The following NR1I2 variants were observed in gnomAD, a reference collection of about 807,000 sequenced individuals.
NR1I2 encodes the protein orphan nuclear receptor PAR1.
NR1I2 carries 42 observed loss-of-function variants against 43.3 expected under a neutral mutation model. The observed-to-expected ratio is 0.97, with a 90% CI of 0.76 to 1.26. NR1I2 has a LOEUF of 1.26. Among genes scored for constraint, NR1I2 ranks in the 50% most tolerant of loss-of-function variants. NR1I2 has a pLI of 0.00. For synonymous variants in NR1I2, 229 were observed against 215.0 expected (o/e 1.06, Z -0.57); for missense variants, 559 against 566.7 (o/e 0.99, Z 0.14).
chr3:119,801,887 C>T (rs1430566214), intron 1 of NR1I2, among the ~76,000 whole-genome samples: 1 of 152,138 alleles, frequency 6.6e-6, no homozygotes, highest in Non-Finnish European at 1.5e-5. Flanking sequence ...CGATCTCAGG[C>T]CTCTCCCTCT....
chr3:119,810,536 A>C, intron 3 of NR1I2: 1 of 315,352 alleles, frequency 3.2e-6, no homozygotes, highest in Non-Finnish European at 6.0e-6. Context: ...TGCGGGTAGG[A>C]GTGTGAATCT....
At chr3:119,791,356 T>C (rs1363985262) in intron 1 of NR1I2, among the ~76,000 whole-genome samples, 1 of 152,168 alleles carries the variant, frequency 6.6e-6, no homozygotes, top group African/African-American at 2.4e-5. Context: ...GATTAACATC[T>C]ATGAGAGTCT....
chr3:119,814,989 A>T lies in NR1I2; in HGVS notation c.805A>T (p.Ile269Phe), dbSNP rs777320630. Reference sequence around the variant, plus strand: ...CATCCTTGCTGCCAGGGACTTGCCCATCGAGGACCAGATCTCCCTGCTGAA... The same window carrying T: ...CATCCTTGCTGCCAGGGACTTGCCCTTCGAGGACCAGATCTCCCTGCTGAA... The change falls in exon 6 of 9, where the codon ATC becomes TTC. Residue 269 changes from isoleucine (I) to phenylalanine (F), a missense_variant. Physicochemically the swap from Ile to Phe is conservative, Grantham distance 21. This residue lies in a region of NR1I2 where 323 missense variants were observed against 312.2 expected (regional missense o/e 1.03). Coordinates refer to ENST00000393716, the MANE Select transcript of NR1I2 (RefSeq NM_003889.4). 3 of 1,614,134 alleles carry T rather than the reference A, an allele frequency of 1.9e-6. No individual in the cohort carries two copies. Among genetic ancestry groups the T allele is most frequent in the Non-Finnish European group, 2.5e-6 (3 of 1,180,030 alleles).
Position 119,817,593 on chromosome 3 carries a change from G to T in NR1I2, c.*381G>T. The T allele has an allele frequency of 1.7e-6, 2 of 1,163,006 alleles. No homozygotes were observed. Among genetic ancestry groups the T allele is most frequent in the South Asian group, 1.9e-5 (1 of 52,866 alleles). 72.0% of individuals were successfully genotyped at this position (1,163,006 alleles called of 1,614,324 possible). ...AAGCGACCAAGGATGGGCCATCTGG[G>T]GTCTATGCCCACATACCCACGTTTG... On this transcript the variant is annotated 3_prime_UTR_variant, in exon 9 of 9. Transcript: ENST00000393716.
At chr3:119,792,436 C>A in intron 1 of NR1I2, 1 of 1,171,256 alleles carries the variant, frequency 8.5e-7, no homozygotes, top group Non-Finnish European at 1.3e-6. Context: ...CAGGGGACGG[C>A]CTGATGGAGC....
intron 1 of NR1I2, chr3:119,791,824 G>C (rs114945212): frequency 2.3e-5 from 12 of 520,186 alleles, no homozygotes; most frequent in African/African-American, 2.1e-4. Flanking sequence ...AGAAAACATA[G>C]CTGCCAAGTG....
chr3:119,782,481 A>G (rs2054786788), intron 1 of NR1I2, among the ~76,000 whole-genome samples, 181 bp downstream of exon 1: 1 of 152,110 alleles, frequency 6.6e-6, no homozygotes, highest in South Asian at 2.1e-4. Context: ...GCATGAAAAC[A>G]ATCACTTAAT....
chr3:119,815,896 G>C, intron 8 of NR1I2, 65 bp downstream of exon 8: 1 of 1,354,652 alleles, frequency 7.4e-7, no homozygotes, highest in East Asian at 2.5e-5. Flanking sequence ...CAGGGAAATT[G>C]CCCAAGACTT....
At chr3:119,783,669 T>G (rs2054807807) in intron 1 of NR1I2, among the ~76,000 whole-genome samples, 7 of 152,222 alleles carry the variant, frequency 4.6e-5, no homozygotes. Flanking sequence ...TCATGCTCCT[T>G]GAAAATGAGA....
intron 2 of NR1I2, 67 bp from the exon 3 acceptor site, chr3:119,809,994 C>T (rs1004455608): frequency 2.3e-5 from 37 of 1,603,820 alleles, no homozygotes; most frequent in Non-Finnish European, 3.2e-5. Context: ...GGTGGTATGG[C>T]CCGGAGCCCC....
At chr3:119,800,630 T>G (rs972661449) in intron 1 of NR1I2, among the ~76,000 whole-genome samples, 6 of 152,206 alleles carry the variant, frequency 3.9e-5, no homozygotes, top group African/African-American at 1.4e-4. Flanking sequence ...CTTGCTGTAT[T>G]ACCCAGGCAG....
At position 119,807,973 on chromosome 3, in the gene NR1I2, G is replaced by A. The variant is rs115384338; in HGVS notation, c.197+526G>A. Among the ~76,000 whole-genome samples, 225 of 152,314 alleles carry A rather than the reference G, an allele frequency of 1.5e-3. 1 individual carries two copies. Among genetic ancestry groups the A allele is most frequent in the African/African-American group, 5.1e-3 (211 of 41,574 alleles). Reference sequence around the variant, plus strand: ...GGGACCCTCATGCATTCCCAAGACAGCCAGCCTGACAGCCCTTTGCAGAGT... The same window carrying A: ...GGGACCCTCATGCATTCCCAAGACAACCAGCCTGACAGCCCTTTGCAGAGT... On this transcript the variant is annotated intron_variant, in intron 2 of 8. Coordinates refer to ENST00000393716, the MANE Select transcript of NR1I2 (RefSeq NM_003889.4).
intron 1 of NR1I2, among the ~76,000 whole-genome samples, chr3:119,795,370 A>T (rs997201775): frequency 6.6e-6 from 1 of 152,196 alleles, no homozygotes; most frequent in Non-Finnish European, 1.5e-5. Flanking sequence ...GAATTCCTTC[A>T]GTCTCCTGCT....
Position 119,815,785 on chromosome 3 carries a change from A to T in NR1I2, c.1114A>T (p.Thr372Ser), listed in dbSNP as rs1218063370. 1 of 1,613,476 alleles carries T rather than the reference A, an allele frequency of 6.2e-7. No individual in the cohort carries two copies. Among genetic ancestry groups the T allele is most frequent in the Non-Finnish European group, 8.5e-7 (1 of 1,179,866 alleles). The change falls in exon 8 of 9, where the codon ACT becomes TCT. Residue 372 changes from threonine (T) to serine (S), a missense_variant. Transcript: ENST00000393716. ...CCAGCTGCAGGAGCAATTCGCCATTACTCTGAAGTCCTACATTGAATGCAA... is the reference window on the plus strand; with the variant it reads ...CCAGCTGCAGGAGCAATTCGCCATTTCTCTGAAGTCCTACATTGAATGCAA...
At chr3:119,813,058 G>C in intron 5 of NR1I2, 98 bp downstream of exon 5, 1 of 1,323,956 alleles carries the variant, frequency 7.6e-7, no homozygotes, top group South Asian at 1.2e-5. Context: ...GGGGGATATT[G>C]GTGTCAGAAG....
chr3:119,812,591 T>G lies in NR1I2; in HGVS notation c.520-95T>G, dbSNP rs567286931. On this transcript the variant is annotated intron_variant, in intron 4 of 8. Coordinates refer to ENST00000393716, the MANE Select transcript of NR1I2 (RefSeq NM_003889.4). ...TTTGTGCATCCTCTCGAGCTGCAAC[T>G]GTGGCTGTGCATGTTTGGCTGGGGC... 2.4e-5 allele frequency: 35 copies of G among 1,439,936 alleles called. No homozygotes were observed. The African/African-American group carries it at 4.6e-4, about 19-fold the overall frequency. 89.2% of individuals were successfully genotyped at this position (1,439,936 alleles called of 1,614,324 possible). A position where few individuals can be genotyped will look rare whatever the true frequency, so the allele number is the denominator to read the frequency against.
At chr3:119,798,634 C>T (rs72554017) in intron 1 of NR1I2, among the ~76,000 whole-genome samples, 3 of 108,542 alleles carry the variant, frequency 2.8e-5, no homozygotes, top group Non-Finnish European at 5.9e-5. Flanking sequence ...AGAGAGACTC[C>T]GTCTCAAAAA....
Position 119,815,048 on chromosome 3 carries a change from C to G in NR1I2, c.864C>G (p.Phe288Leu). 6.2e-7 allele frequency: 1 copy of G among 1,614,136 alleles called. No homozygotes were observed. Among genetic ancestry groups the G allele is most frequent in the Non-Finnish European group, 8.5e-7 (1 of 1,180,004 alleles). The change falls in exon 6 of 9, where the codon TTC becomes TTG. Residue 288 changes from phenylalanine to leucine, a missense_variant. Transcript: ENST00000393716. The stretch of plus-strand genomic sequence containing the variant: ...CTTTCGAGCTGTGTCAACTGAGATT[C>G]AACACAGTGTTCAACGCGGAGACTG...
At chr3:119,807,506 C>G in intron 2 of NR1I2, 59 bp downstream of exon 2, 9 of 1,438,602 alleles carry the variant, frequency 6.3e-6, no homozygotes, top group Non-Finnish European at 8.8e-6. Context: ...GGTAACGTCT[C>G]AGGGCCTCAG....
Sources: gnomAD v4.1 joint callset for allele counts (sites outside exome capture counted in the v4.1 genomes callset) on GRCh38, gnomAD v4.1.1 for gene constraint, gnomAD v4.1.1 regional missense constraint, MANE v1.5 for transcripts, NCBI Gene and HGNC (gene_info 2026-07-23, HGNC 2026-07-21) for gene names.